The following CNTN1 variants were observed in gnomAD, a reference collection of about 807,000 sequenced individuals.
CNTN1 encodes the protein contactin-1.
A neutral mutation model predicts 126.4 loss-of-function variants in CNTN1; 38 were observed. That is an observed-to-expected ratio of 0.30 (90% confidence interval 0.23 to 0.39). The LOEUF (loss-of-function observed/expected upper bound fraction) is 0.39. Ranked by LOEUF, CNTN1 falls within the 10% of genes least tolerant of loss-of-function variation. The pLI is 1.00. For missense variants in CNTN1, 1,009 were observed against 1,248.4 expected (o/e 0.81, Z 2.89); for synonymous variants, 413 against 422.6 (o/e 0.98, Z 0.28).
intron 23 of CNTN1, among the ~76,000 whole-genome samples, chr12:41,052,862 C>CA (rs1949718360): frequency 6.6e-6 from 1 of 150,764 alleles, no homozygotes; most frequent in African/African-American, 2.4e-5. Flanking sequence ...AAATTTAAGC[C>CA]AAAAAGAATT....
chr12:41,031,292 A>T (rs1949141097), intron 23 of CNTN1, among the ~76,000 whole-genome samples: 2 of 152,188 alleles, frequency 1.3e-5, no homozygotes, highest in African/African-American at 4.8e-5. Flanking sequence ...ATTATGTGTG[A>T]TTTCAAGCTT....
intron 1 of CNTN1, among the ~76,000 whole-genome samples, chr12:40,869,121 A>G (rs549735137): frequency 2.6e-5 from 4 of 151,958 alleles, no homozygotes; most frequent in Admixed American, 2.6e-4. Context: ...TTGATAGTTT[A>G]TAAAACACAA....
At chr12:40,822,398 G>A (rs149663585) in intron 1 of CNTN1, among the ~76,000 whole-genome samples, 3,894 of 151,510 alleles carry the variant, frequency 0.026, 85 homozygotes, top group African/African-American at 0.056. Context: ...CAGGTGATCC[G>A]CTCGCCTCGG....
At chr12:40,956,800 G>A (rs368538336) in intron 14 of CNTN1, among the ~76,000 whole-genome samples, 1 of 152,026 alleles carries the variant, frequency 6.6e-6, no homozygotes, top group Admixed American at 6.6e-5. Context: ...GGAGACAAGT[G>A]AGTTGGGCCC....
At chr12:40,858,980 G>A (rs1231781393) in intron 1 of CNTN1, among the ~76,000 whole-genome samples, 2 of 151,978 alleles carry the variant, frequency 1.3e-5, no homozygotes, top group East Asian at 3.9e-4. Flanking sequence ...CCTGTCAGAG[G>A]GTGGGGTTGG....
intron 1 of CNTN1, among the ~76,000 whole-genome samples, chr12:40,859,072 C>T (rs1280131936): frequency 1.3e-5 from 2 of 151,988 alleles, no homozygotes; most frequent in Non-Finnish European, 1.5e-5. Context: ...CAGCAAACCA[C>T]CATGGCACAT....
chr12:40,794,482 A>G (rs994461445), intron 1 of CNTN1, among the ~76,000 whole-genome samples: 2 of 151,992 alleles, frequency 1.3e-5, no homozygotes, highest in African/African-American at 4.8e-5. Context: ...TATAATTTAA[A>G]TGAAACTGAA....
intron 1 of CNTN1, among the ~76,000 whole-genome samples, chr12:40,795,540 AT>A (rs1395557931): frequency 6.6e-6 from 1 of 151,510 alleles, no homozygotes; most frequent in Non-Finnish European, 1.5e-5. Flanking sequence ...TATTCTATTT[AT>A]AGGCACATAT....
At chr12:40,827,348 T>G (rs1177758898) in intron 1 of CNTN1, among the ~76,000 whole-genome samples, 1 of 152,128 alleles carries the variant, frequency 6.6e-6, no homozygotes, top group Non-Finnish European at 1.5e-5. Flanking sequence ...GAGAAACTCC[T>G]TCCACATTTT....
chr12:40,849,899 A>C (rs1340991879), intron 1 of CNTN1, among the ~76,000 whole-genome samples: 6 of 152,020 alleles, frequency 3.9e-5, no homozygotes, highest in Admixed American at 2.0e-4. Context: ...TATATAGTAC[A>C]TACAGTATAT....
chr12:40,943,891 A>G, intron 13 of CNTN1, 104 bp from the exon 14 acceptor site: 1 of 1,371,884 alleles, frequency 7.3e-7, no homozygotes, highest in Non-Finnish European at 1.0e-6. Context: ...AAAACATCTT[A>G]TTATTTTGCA....
At chr12:41,023,292 C>G (rs1478738833) in intron 20 of CNTN1, among the ~76,000 whole-genome samples, 1 of 152,198 alleles carries the variant, frequency 6.6e-6, no homozygotes, top group Non-Finnish European at 1.5e-5. Context: ...CCTGACATTT[C>G]AAATGAGAAT....
chr12:40,999,697 C>CTTTTTTTTTTTTTTTT (rs398019220), intron 17 of CNTN1, among the ~76,000 whole-genome samples: 1 of 86,646 alleles, frequency 1.2e-5, no homozygotes, highest in Non-Finnish European at 2.1e-5. Flanking sequence ...TTCTTCTGTG[C>CTTTTTTTTTTTTTTTT]TTTTTTTTTT....
At chr12:41,067,669 T>G in intron 23 of CNTN1, among the ~76,000 whole-genome samples, 1 of 149,452 alleles carries the variant, frequency 6.7e-6, no homozygotes, top group South Asian at 2.2e-4. Context: ...TAATGCTAGA[T>G]GACGAGTTAG....
At chr12:40,943,564 G>C in intron 12 of CNTN1, 33 bp from the exon 13 acceptor site, 1 of 1,472,380 alleles carries the variant, frequency 6.8e-7, no homozygotes, top group Non-Finnish European at 9.5e-7. Context: ...ACTAAATCAG[G>C]TTTGTGAATT....
At chr12:40,791,335 C>A (rs1428687313) in intron 1 of CNTN1, among the ~76,000 whole-genome samples, 1 of 152,092 alleles carries the variant, frequency 6.6e-6, no homozygotes, top group Non-Finnish European at 1.5e-5. Flanking sequence ...TAATTGCTCA[C>A]CTCAATTACC....
intron 11 of CNTN1, among the ~76,000 whole-genome samples, chr12:40,938,242 C>A (rs994165682): frequency 1.3e-5 from 2 of 152,130 alleles, no homozygotes; most frequent in East Asian, 1.9e-4. Flanking sequence ...AATGAAGTAA[C>A]CTTTTTTAAG....
intron 1 of CNTN1, among the ~76,000 whole-genome samples, chr12:40,907,692 A>C (rs1944881913): frequency 1.3e-5 from 2 of 152,338 alleles, no homozygotes; most frequent in South Asian, 4.1e-4. Context: ...TGGCCCCACA[A>C]AACCTTGATT....
At chr12:40,994,765 A>G (rs1217585818) in intron 17 of CNTN1, among the ~76,000 whole-genome samples, 1 of 152,080 alleles carries the variant, frequency 6.6e-6, no homozygotes, top group Non-Finnish European at 1.5e-5. Flanking sequence ...ATATGCTAAC[A>G]CAAAAAATTT....
Sources: gnomAD v4.1 joint callset for allele counts (sites outside exome capture counted in the v4.1 genomes callset) on GRCh38, gnomAD v4.1.1 for gene constraint, MANE v1.5 for transcripts, NCBI Gene and HGNC (gene_info 2026-07-23, HGNC 2026-07-21) for gene names.